The following PLCE1 variants were observed in gnomAD, a reference collection of about 807,000 sequenced individuals.
PLCE1 encodes the protein phospholipase C epsilon 1.
A neutral mutation model predicts 242.8 loss-of-function variants in PLCE1; 119 were observed. The ratio of observed to expected loss-of-function variants is 0.49; its 90% CI spans 0.42 to 0.57. The LOEUF (loss-of-function observed/expected upper bound fraction) is 0.57, where lower values mean the gene tolerates loss of function less well. PLCE1 is among the 20% of genes least tolerant of loss of function. The pLI is 0.00. For missense variants in PLCE1, 2,441 were observed against 2,788.8 expected (o/e 0.88, Z 2.81); for synonymous variants, 945 against 1,017.4 (o/e 0.93, Z 1.35).
chr10:94,077,586 C>G lies in PLCE1; in HGVS notation c.1206+45334C>G, dbSNP rs976665537. ...ACCAGTCCAGGCAACATAGTGAGACCCCAAGTCTGCCAAAAAAATATAAAT... is the reference window on the plus strand; with the variant it reads ...ACCAGTCCAGGCAACATAGTGAGACGCCAAGTCTGCCAAAAAAATATAAAT... On this transcript the variant is annotated intron_variant, in intron 2 of 32. Transcript: ENST00000371380. Among the ~76,000 whole-genome samples the G allele has an allele frequency of 3.9e-5, 6 of 152,092 alleles. No individual in the cohort carries two copies. In the South Asian group the frequency reaches 1.2e-3, roughly 32 times the overall value.
intron 2 of PLCE1, among the ~76,000 whole-genome samples, chr10:94,034,605 T>C (rs1459452036): frequency 1.3e-5 from 2 of 152,170 alleles, no homozygotes; most frequent in African/African-American, 4.8e-5. Flanking sequence ...TCAGCATCTG[T>C]TGATTGAGTG....
At chr10:94,087,366 A>G (rs989106096) in intron 2 of PLCE1, among the ~76,000 whole-genome samples, 10 of 151,670 alleles carry the variant, frequency 6.6e-5, no homozygotes, top group South Asian at 2.1e-4. Flanking sequence ...AAAAAAAAAA[A>G]AAAAGAAAAA....
At chr10:94,040,450 ACAT>A (rs34702295) in intron 2 of PLCE1, among the ~76,000 whole-genome samples, 55,784 of 151,882 alleles carry the variant, frequency 0.37, 11,844 homozygotes, top group African/African-American at 0.59. Context: ...GGGCACAAGG[ACAT>A]CATCCAACAC....
Position 94,269,030 on chromosome 10 carries a change from C to A in PLCE1, c.4383C>A (p.Pro1461=). The change falls in exon 17 of 33, where the codon CCC becomes CCA. Residue 1461 remains proline, a synonymous_variant. Coordinates refer to ENST00000371380, the MANE Select transcript of PLCE1 (RefSeq NM_016341.4). ...YHGHTLTTKI[P]FKEVVEAIDR... ...GACATACGCTGACAACCAAGATCCC[C>A]TTCAAGGTAATCCTTCATAACTTTC... The A allele has an allele frequency of 1.3e-6, 2 of 1,547,584 alleles. No homozygotes were observed. Among genetic ancestry groups the A allele is most frequent in the South Asian group, 1.1e-5 (1 of 89,682 alleles).
At chr10:94,261,230 A>G (rs907482687) in intron 13 of PLCE1, among the ~76,000 whole-genome samples, 3 of 152,138 alleles carry the variant, frequency 2.0e-5, no homozygotes, top group South Asian at 2.1e-4. Context: ...AGAATGTCAT[A>G]TAGTTGGAAT....
intron 22 of PLCE1, among the ~76,000 whole-genome samples, chr10:94,290,999 A>G (rs574779493): frequency 6.6e-6 from 1 of 152,312 alleles, no homozygotes; most frequent in African/African-American, 2.4e-5. Context: ...CCACCATCAT[A>G]TACGTGGTCT....
intron 2 of PLCE1, chr10:94,089,098 G>T (rs1348614236): frequency 6.2e-7 from 1 of 1,613,542 alleles, no homozygotes; most frequent in African/African-American, 1.3e-5. Flanking sequence ...GTGATTAATG[G>T]TTTCAGAAGG....
intron 2 of PLCE1, among the ~76,000 whole-genome samples, chr10:94,068,834 G>A (rs2044272804): frequency 6.6e-6 from 1 of 152,204 alleles, no homozygotes; most frequent in South Asian, 2.1e-4. Flanking sequence ...CTGCCATAAA[G>A]CTTTATGGCA....
intron 2 of PLCE1, among the ~76,000 whole-genome samples, chr10:94,076,010 G>A (rs1275237518): frequency 1.3e-5 from 2 of 152,130 alleles, no homozygotes; most frequent in African/African-American, 4.8e-5. Flanking sequence ...AGAGGAAATG[G>A]CACCTTGGAG....
rs767517435 is a variant in PLCE1, at chr10:94,324,561, G to A, written c.6714G>A (p.Gln2238=). 1.9e-6 allele frequency: 3 copies of A among 1,612,116 alleles called. No individual in the cohort carries two copies. The highest frequency in any genetic ancestry group is 2.5e-6 in the Non-Finnish European group (3 of 1,178,304). The change falls in exon 31 of 33, where the codon CAG becomes CAA. Residue 2238 remains glutamine, a synonymous_variant. Transcript: ENST00000371380. ...AGKFILKLKE[Q]VQASREDKKK... is the part of the protein sequence containing the mutation. Reference sequence around the variant, plus strand: ...AATTCATCCTTAAGCTAAAGGAGCAGGTGCAGGTAAAGTTTAAAGTTATTT... The same window carrying A: ...AATTCATCCTTAAGCTAAAGGAGCAAGTGCAGGTAAAGTTTAAAGTTATTT...
At chr10:94,244,587 TG>T (rs2050615039) in intron 7 of PLCE1, among the ~76,000 whole-genome samples, 1 of 152,238 alleles carries the variant, frequency 6.6e-6, no homozygotes, top group Non-Finnish European at 1.5e-5. Flanking sequence ...GCCTTTTCTG[TG>T]TATACCTACA....
chr10:94,127,418 T>C (rs1423823916), intron 2 of PLCE1, among the ~76,000 whole-genome samples: 1 of 152,162 alleles, frequency 6.6e-6, no homozygotes, highest in East Asian at 1.9e-4. Flanking sequence ...TGGGCCATGG[T>C]CTTTCATCCT....
chr10:94,121,143 G>A (rs1405647471), intron 2 of PLCE1: 1 of 152,256 alleles, frequency 6.6e-6, no homozygotes, highest in Admixed American at 6.5e-5. Context: ...TTATAGCATA[G>A]TGGGCACTAG....
chr10:94,139,640 C>G (rs1471064976), intron 3 of PLCE1: 1 of 152,152 alleles, frequency 6.6e-6, no homozygotes, highest in African/African-American at 2.4e-5. Flanking sequence ...AAGACAGAAA[C>G]CAGGGTCCTG....
intron 4 of PLCE1, among the ~76,000 whole-genome samples, chr10:94,211,297 G>A (rs888967857): frequency 6.6e-6 from 1 of 152,186 alleles, no homozygotes. Flanking sequence ...CAGAGGGAGG[G>A]CAGGTGGCAG....
At chr10:94,203,302 A>C (rs745854076) in intron 4 of PLCE1, among the ~76,000 whole-genome samples, 3 of 152,048 alleles carry the variant, frequency 2.0e-5, no homozygotes, top group Non-Finnish European at 4.4e-5. Context: ...CTATCAGATC[A>C]CCCTGAATAT....
At chr10:94,321,380 C>T (rs7094783) in intron 29 of PLCE1, among the ~76,000 whole-genome samples, 46,399 of 152,168 alleles carry the variant, frequency 0.3, 7,365 homozygotes, top group Middle Eastern at 0.47. Flanking sequence ...ACACCTGTAA[C>T]CCTGGTACTT....
intron 7 of PLCE1, among the ~76,000 whole-genome samples, chr10:94,236,517 T>C (rs2050330233): frequency 6.6e-6 from 1 of 152,182 alleles, no homozygotes; most frequent in African/African-American, 2.4e-5. Flanking sequence ...TATTAAGATA[T>C]TTTTAAATCA....
chr10:94,189,308 C>A (rs2048587642), intron 4 of PLCE1, among the ~76,000 whole-genome samples: 1 of 147,738 alleles, frequency 6.8e-6, no homozygotes, highest in South Asian at 2.1e-4. Flanking sequence ...ATATATAGTA[C>A]ACATACATAT....
Sources: allele counts gnomAD v4.1 joint callset (sites outside exome capture counted in the v4.1 genomes callset), GRCh38; gene constraint gnomAD v4.1.1; transcripts MANE v1.5; gene names NCBI Gene and HGNC (gene_info 2026-07-23, HGNC 2026-07-21).